The following MTCL2 variants were observed in gnomAD, a reference collection of about 807,000 sequenced individuals.
MTCL2 encodes the protein microtubule cross-linking factor 2.
At chr20:36,784,332 G>A in the MTCL2 span, 17 of 985,978 alleles carry the variant, frequency 1.7e-5, no homozygotes, top group South Asian at 4.7e-5. Context: ...GGCGGCTGGC[G>A]GGACTGGCAT....
At chr20:36,790,084 C>T in the MTCL2 span, among the ~76,000 whole-genome samples, 7 of 151,582 alleles carry the variant, frequency 4.6e-5, no homozygotes, top group South Asian at 2.1e-4. Flanking sequence ...CTCCGCCTCC[C>T]GGGTTCATGC....
At chr20:36,853,371 C>T in the MTCL2 span, among the ~76,000 whole-genome samples, 1 of 152,196 alleles carries the variant, frequency 6.6e-6, no homozygotes, top group Non-Finnish European at 1.5e-5. Flanking sequence ...CAGGGTCACA[C>T]ACTAAGTGGC....
chr20:36,808,814 A>T, the MTCL2 span: 3 of 1,392,312 alleles, frequency 2.2e-6, no homozygotes, highest in East Asian at 7.5e-5. Context: ...GGGCCCCTGG[A>T]CAGGGGCAGG....
the MTCL2 span, among the ~76,000 whole-genome samples, chr20:36,803,847 C>T: frequency 6.8e-6 from 1 of 148,078 alleles, no homozygotes; most frequent in East Asian, 2.0e-4. Flanking sequence ...ATTCCAGTTG[C>T]TTTGCAGGCT....
At chr20:36,777,677 T>C in the MTCL2 span, 1 of 498,030 alleles carries the variant, frequency 2.0e-6, no homozygotes, top group Non-Finnish European at 3.6e-6. Context: ...AAGGATGCCC[T>C]TGGTCCCTTC....
At chr20:36,839,787 G>C in the MTCL2 span, among the ~76,000 whole-genome samples, 1 of 152,170 alleles carries the variant, frequency 6.6e-6, no homozygotes, top group Non-Finnish European at 1.5e-5. The surrounding 1 kb of genome is among the most constrained non-coding windows in gnomAD (Gnocchi z 5.1). Flanking sequence ...GAGCCTTCCC[G>C]AGGAATGCAG....
chr20:36,849,285 C>G, the MTCL2 span, among the ~76,000 whole-genome samples: 2 of 151,936 alleles, frequency 1.3e-5, no homozygotes, highest in East Asian at 3.9e-4. Flanking sequence ...TGGTCTTGAA[C>G]TCCTGACAGG....
At chr20:36,825,481 T>C in the MTCL2 span, among the ~76,000 whole-genome samples, 1 of 152,184 alleles carries the variant, frequency 6.6e-6, no homozygotes, top group Non-Finnish European at 1.5e-5. Flanking sequence ...CGTATTGGCT[T>C]TCTGCCTAAA....
the MTCL2 span, chr20:36,793,772 G>C: frequency 6.5e-7 from 1 of 1,541,234 alleles, no homozygotes; most frequent in East Asian, 2.4e-5. This position sits in a 1 kb window ranked among gnomAD's most constrained non-coding sequence, Gnocchi z 6.8. Flanking sequence ...GCCATACTTG[G>C]GGGAGCAGCA....
the MTCL2 span, among the ~76,000 whole-genome samples, chr20:36,847,669 C>T: frequency 6.6e-6 from 1 of 152,196 alleles, no homozygotes; most frequent in South Asian, 2.1e-4. Flanking sequence ...GCCTGGACAA[C>T]ATAGCGAGAC....
the MTCL2 span, chr20:36,812,704 C>T: frequency 6.2e-7 from 1 of 1,613,942 alleles, no homozygotes; most frequent in South Asian, 1.1e-5. Flanking sequence ...CTAGACCCAC[C>T]TCAGAGGCAT....
the MTCL2 span, chr20:36,783,992 T>C: frequency 1.0e-6 from 1 of 985,656 alleles, no homozygotes; most frequent in Non-Finnish European, 1.2e-6. Flanking sequence ...GGGGCTTTAC[T>C]GAAAACCAAG....
At chr20:36,788,199 TCA>T in the MTCL2 span, among the ~76,000 whole-genome samples, 14 of 70,682 alleles carry the variant, frequency 2.0e-4, no homozygotes, top group Non-Finnish European at 3.5e-4. Context: ...AGACTCCATC[TCA>T]AAAAAAAAAA....
At chr20:36,840,644 A>G in the MTCL2 span, among the ~76,000 whole-genome samples, 1 of 151,716 alleles carries the variant, frequency 6.6e-6, no homozygotes, top group Non-Finnish European at 1.5e-5. Flanking sequence ...GGTTGGATCA[A>G]GACCATCCTG....
the MTCL2 span, chr20:36,786,526 T>A: frequency 1.9e-6 from 3 of 1,550,376 alleles, no homozygotes; most frequent in African/African-American, 4.1e-5. Flanking sequence ...CCACCCCAGC[T>A]GGACTCTGAA....
chr20:36,788,296 G>C, the MTCL2 span, among the ~76,000 whole-genome samples: 5 of 151,876 alleles, frequency 3.3e-5, no homozygotes, highest in African/African-American at 1.2e-4. Context: ...GCAGCAGTGA[G>C]CTATGATTGT....
the MTCL2 span, among the ~76,000 whole-genome samples, chr20:36,823,751 T>C: frequency 2.6e-5 from 4 of 152,130 alleles, no homozygotes; most frequent in Admixed American, 2.6e-4. Flanking sequence ...GAGGCTGCAA[T>C]GAACCATGAT....
the MTCL2 span, chr20:36,808,413 A>G: frequency 1.1e-6 from 1 of 933,318 alleles, no homozygotes; most frequent in Non-Finnish European, 1.6e-6. Flanking sequence ...GATGGCAGGT[A>G]TGTGAGCCTA....
the MTCL2 span, chr20:36,815,775 G>A: frequency 3.8e-6 from 6 of 1,590,178 alleles, no homozygotes; most frequent in Non-Finnish European, 5.1e-6. The surrounding 1 kb of genome is among the most constrained non-coding windows in gnomAD (Gnocchi z 5.3). Context: ...CTCCGACAGC[G>A]CCACGTCCAG....
Sources: gnomAD v4.1 joint callset for allele counts (sites outside exome capture counted in the v4.1 genomes callset) on GRCh38, gnomAD v4.1.1 for gene constraint, Gnocchi (gnomAD v3.1) non-coding constraint, MANE v1.5 for transcripts, NCBI Gene and HGNC (gene_info 2026-07-23, HGNC 2026-07-21) for gene names.